The following PCDH15 variants were observed in gnomAD, a reference collection of about 807,000 sequenced individuals.
PCDH15 encodes protocadherin-15.
A neutral mutation model predicts 178.5 loss-of-function variants in PCDH15; 129 were observed. The observed-to-expected ratio is 0.72, with a 90% CI of 0.63 to 0.84. PCDH15 has a LOEUF of 0.84. Among genes scored for constraint, PCDH15 ranks in the 40% least tolerant of loss-of-function variants. PCDH15 has a pLI of 0.00. For missense variants in PCDH15, 2,230 were observed against 2,099.9 expected, an observed-to-expected ratio of 1.06 and a Z score of -1.21; for synonymous variants, 800 against 732.0, an observed-to-expected ratio of 1.09 and a Z score of -1.50.
intron 2 of PCDH15, among the ~76,000 whole-genome samples, chr10:54,921,731 A>C (rs1463114095): frequency 6.6e-6 from 1 of 152,096 alleles, no homozygotes; most frequent in African/African-American, 2.4e-5. Context: ...TCAGTCTAAC[A>C]CTGTATTAGT....
intron 21 of PCDH15, among the ~76,000 whole-genome samples, chr10:53,988,128 C>T (rs749577606): frequency 6.6e-6 from 1 of 152,174 alleles, no homozygotes; most frequent in African/African-American, 2.4e-5. Flanking sequence ...TCAAAGCAAT[C>T]AAAGCAGCTG....
At chr10:54,920,970 C>T (rs1837471554) in intron 2 of PCDH15, among the ~76,000 whole-genome samples, 1 of 152,180 alleles carries the variant, frequency 6.6e-6, no homozygotes, top group Non-Finnish European at 1.5e-5. Context: ...TAAAATCATA[C>T]TGCCTGCCAA....
chr10:54,499,297 A>C (rs2080416147), intron 3 of PCDH15, among the ~76,000 whole-genome samples: 1 of 152,130 alleles, frequency 6.6e-6, no homozygotes, highest in South Asian at 2.1e-4. Flanking sequence ...TTTGGGTTCT[A>C]GAGTCAACAC....
At chr10:54,215,916 G>T (rs911484486) in intron 9 of PCDH15, among the ~76,000 whole-genome samples, 1 of 151,662 alleles carries the variant, frequency 6.6e-6, no homozygotes, top group Non-Finnish European at 1.5e-5. Context: ...GGTGGCGGGC[G>T]CCTGTAGTCC....
chr10:54,190,668 A>G (rs2048906632), intron 11 of PCDH15, among the ~76,000 whole-genome samples: 1 of 152,200 alleles, frequency 6.6e-6, no homozygotes, highest in African/African-American at 2.4e-5. Flanking sequence ...ACTCTCCCAA[A>G]ATGCTGAGAT....
chr10:55,558,433 T>A (rs1304218810), intron 2 of PCDH15, among the ~76,000 whole-genome samples: 1 of 152,136 alleles, frequency 6.6e-6, no homozygotes, highest in African/African-American at 2.4e-5. Context: ...ACCTTCAGAG[T>A]GCTTGAGCTG....
At chr10:54,764,044 C>G (rs1948222385) in intron 1 of PCDH15, among the ~76,000 whole-genome samples, 1 of 151,578 alleles carries the variant, frequency 6.6e-6, no homozygotes, top group South Asian at 2.1e-4. Context: ...TTTTCTTGTC[C>G]TGGGCTCAAC....
chr10:54,701,639 AG>A (rs2132240465), intron 1 of PCDH15, among the ~76,000 whole-genome samples: 1 of 152,276 alleles, frequency 6.6e-6, no homozygotes, highest in Admixed American at 6.6e-5. Flanking sequence ...AAGAGAAAAA[AG>A]CATGGGTTGC....
intron 1 of PCDH15, among the ~76,000 whole-genome samples, chr10:55,302,850 A>G (rs1843320660): frequency 6.6e-6 from 1 of 152,128 alleles, no homozygotes; most frequent in Admixed American, 6.6e-5. Context: ...AAAGACAATA[A>G]CAAAGTCATA....
chr10:54,177,679 G>A (rs1280874648), intron 13 of PCDH15, among the ~76,000 whole-genome samples: 1 of 152,122 alleles, frequency 6.6e-6, no homozygotes, highest in Admixed American at 6.6e-5. Context: ...TTGGATGTAT[G>A]CAGGTAAAGC....
At chr10:55,327,164 C>T (rs539966456) in intron 2 of PCDH15, among the ~76,000 whole-genome samples, 1 of 152,046 alleles carries the variant, frequency 6.6e-6, no homozygotes, top group South Asian at 2.1e-4. Flanking sequence ...AACGAGACCC[C>T]AGCAATATAT....
intron 3 of PCDH15, among the ~76,000 whole-genome samples, chr10:54,514,627 T>C (rs1040041700): frequency 1.3e-5 from 2 of 149,692 alleles, no homozygotes; most frequent in African/African-American, 2.5e-5. Context: ...TGAAATAAAA[T>C]TGAAATAATT....
At chr10:54,376,022 G>A (rs1948375419) in intron 4 of PCDH15, among the ~76,000 whole-genome samples, 1 of 151,402 alleles carries the variant, frequency 6.6e-6, no homozygotes, top group African/African-American at 2.4e-5. Context: ...AGCCTCTACA[G>A]TAGCTGGGAT....
At chr10:54,541,899 G>C (rs983299274) in intron 2 of PCDH15, among the ~76,000 whole-genome samples, 10 of 152,088 alleles carry the variant, frequency 6.6e-5, no homozygotes, top group Admixed American at 1.3e-4. Context: ...TCTTCCAACA[G>C]AGAGATTCTT....
intron 3 of PCDH15, among the ~76,000 whole-genome samples, chr10:54,505,264 T>C (rs992897179): frequency 1.3e-5 from 2 of 152,084 alleles, no homozygotes; most frequent in African/African-American, 4.8e-5. Context: ...TTATTTTCAG[T>C]TTTTCTCATG....
intron 21 of PCDH15, among the ~76,000 whole-genome samples, chr10:53,979,279 G>A (rs1419630413): frequency 1.3e-5 from 2 of 152,180 alleles, no homozygotes; most frequent in Non-Finnish European, 2.9e-5. Flanking sequence ...TGACAGCAAA[G>A]AGAAGTGCAG....
At chr10:55,188,321 T>G (rs1839852959) in intron 1 of PCDH15, among the ~76,000 whole-genome samples, 1 of 151,928 alleles carries the variant, frequency 6.6e-6, no homozygotes, top group Non-Finnish European at 1.5e-5. Context: ...TGATGGCAAA[T>G]GAATGCTAAC....
intron 2 of PCDH15, among the ~76,000 whole-genome samples, chr10:55,129,375 G>A (rs1837985378): frequency 1.3e-5 from 2 of 152,094 alleles, no homozygotes; most frequent in Non-Finnish European, 1.5e-5. Context: ...GTGAAAGGCA[G>A]TAAAGGGCTG....
At chr10:54,244,658 C>T (rs138613587) in intron 8 of PCDH15, among the ~76,000 whole-genome samples, 20 of 152,274 alleles carry the variant, frequency 1.3e-4, no homozygotes, top group Admixed American at 2.6e-4. Flanking sequence ...TCTTACAACC[C>T]TTTCTCACAT....
Sources: gnomAD v4.1 joint callset for allele counts (sites outside exome capture counted in the v4.1 genomes callset) on GRCh38, gnomAD v4.1.1 for gene constraint, MANE v1.5 for transcripts, NCBI Gene and HGNC (gene_info 2026-07-23, HGNC 2026-07-21) for gene names.